Variants in ZNF365 observed in about 807,000 individuals in gnomAD.
The protein encoded by ZNF365 is zinc finger protein 365.
A neutral mutation model predicts 35.0 loss-of-function variants in ZNF365; 22 were observed. That is an observed-to-expected ratio of 0.63 (90% CI 0.45 to 0.90). The LOEUF (loss-of-function observed/expected upper bound fraction) is 0.90. Ranked by LOEUF, ZNF365 falls within the 40% of genes least tolerant of loss-of-function variation. The pLI, the probability that ZNF365 is intolerant of heterozygous loss-of-function variation, is 0.00. For synonymous variants in ZNF365, 188 were observed against 196.2 expected, an observed-to-expected ratio of 0.96 and a Z score of 0.35; for missense variants, 448 against 500.3, an observed-to-expected ratio of 0.90 and a Z score of 1.00.
chr10:62,414,706 G>A (rs1043507088), intron 3 of ZNF365, among the ~76,000 whole-genome samples: 1 of 152,076 alleles, frequency 6.6e-6, no homozygotes, highest in African/African-American at 2.4e-5. Flanking sequence ...ATTATGATGT[G>A]TTTAAGTGTG....
At chr10:62,412,911 G>A (rs974656475) in intron 3 of ZNF365, among the ~76,000 whole-genome samples, 3 of 152,110 alleles carry the variant, frequency 2.0e-5, no homozygotes, top group Non-Finnish European at 4.4e-5. Flanking sequence ...TGATCTGAAT[G>A]CTCTTCCTTA....
chr10:62,378,150 C>T (rs1839367995), intron 2 of ZNF365, among the ~76,000 whole-genome samples: 1 of 152,152 alleles, frequency 6.6e-6, no homozygotes, highest in Non-Finnish European at 1.5e-5. Flanking sequence ...AAAAATGTTT[C>T]CCTTTTGGTT....
chr10:62,429,065 C>G (rs1331017275), intron 3 of ZNF365, among the ~76,000 whole-genome samples: 2 of 152,056 alleles, frequency 1.3e-5, no homozygotes, highest in African/African-American at 2.4e-5. Context: ...TCTCCTTGTG[C>G]CTTTGGCCTC....
At chr10:62,386,000 C>T (rs1036167012) in intron 2 of ZNF365, among the ~76,000 whole-genome samples, 5 of 152,114 alleles carry the variant, frequency 3.3e-5, no homozygotes, top group South Asian at 4.1e-4. Flanking sequence ...ATCTCTACAA[C>T]AGGCTTGTAG....
chr10:62,430,043 T>C (rs1002173834), intron 3 of ZNF365, among the ~76,000 whole-genome samples: 1 of 152,202 alleles, frequency 6.6e-6, no homozygotes, highest in Admixed American at 6.5e-5. Context: ...TGGTCTATCA[T>C]GTGAATGTAC....
In ZNF365 at chr10:62,376,672, A is replaced by G. The variant is rs1839338141; in HGVS notation, c.479A>G (p.His160Arg). The G allele has an allele frequency of 1.2e-6, 2 of 1,614,096 alleles. No homozygotes were observed. Among genetic ancestry groups the G allele is most frequent in the African/African-American group, 1.3e-5 (1 of 74,942 alleles). ...TSDTKASFEA[H>R]VREKFNRMVE... ...GACACCAAAGCTTCTTTCGAGGCAC[A>G]TGTCAGAGAAAAATTCAATCGAATG... Residue 160 changes from histidine to arginine, a missense_variant, in exon 2 of 5, where the codon CAT (histidine) becomes CGT (arginine). By Grantham distance (29) the His-to-Arg change is conservative. This residue lies in a region of ZNF365 where 362 missense variants were observed against 375.7 expected (regional missense o/e 0.96). Coordinates refer to ENST00000395254, the MANE Select transcript of ZNF365 (RefSeq NM_014951.3).
In ZNF365 at chr10:62,400,286, A is replaced by G. The variant is rs1839804684; in HGVS notation, c.*497A>G. On this transcript the variant is annotated 3_prime_UTR_variant, in exon 5 of 5. Transcript: ENST00000395254. ...CCCCTCAGCTAATTTGAAAGCCTCC[A>G]AAATAAGGATTCCCATTCCCCGAGT... The G allele has an allele frequency of 2.0e-6, 2 of 986,590 alleles. No individual in the cohort carries two copies. The highest frequency in any genetic ancestry group is 3.5e-5 in the African/African-American group (2 of 57,250). 61.1% of individuals were successfully genotyped at this position (986,590 alleles called of 1,614,324 possible).
At chr10:62,479,401 G>A (rs1424713514) in intron 4 of ZNF365, among the ~76,000 whole-genome samples, 2 of 152,180 alleles carry the variant, frequency 1.3e-5, no homozygotes, top group Admixed American at 1.3e-4. Flanking sequence ...CATATGAAAA[G>A]ACGAACATAG....
At chr10:62,444,758 A>G (rs1443112510) in intron 3 of ZNF365, among the ~76,000 whole-genome samples, 1 of 151,938 alleles carries the variant, frequency 6.6e-6, no homozygotes, top group Admixed American at 6.6e-5. Flanking sequence ...TGCAGTCCCC[A>G]GTTCTTTTAT....
chr10:62,449,208 T>C lies in ZNF365; in HGVS notation c.925-10533T>C, dbSNP rs150564303. Among the ~76,000 whole-genome samples the C allele has an allele frequency of 4.3e-3, 655 of 152,344 alleles. 4 individuals carry two copies. The highest frequency in any genetic ancestry group is 0.015 in the African/African-American group (626 of 41,584). ...ATTTATCAGTTGTGTTATTTTGGTA[T>C]TGTATGGCCAATATTGATTTCCTTT... On this transcript the variant is annotated intron_variant, in intron 3 of 4. Coordinates refer to the ZNF365 transcript ENST00000395255.
intron 4 of ZNF365, among the ~76,000 whole-genome samples, chr10:62,467,308 AC>A (rs1389679649): frequency 1.3e-5 from 2 of 152,138 alleles, no homozygotes. Context: ...TTGTTCCAAT[AC>A]CCTTGATCTT....
downstream of ZNF365, among the ~76,000 whole-genome samples, chr10:62,404,661 C>T (rs1425013966): frequency 1.3e-5 from 2 of 152,066 alleles, no homozygotes; most frequent in Middle Eastern, 3.2e-3. Flanking sequence ...TTAGGGACAC[C>T]GACTCCTGCG....
At chr10:62,430,320 A>C (rs967396036) in intron 3 of ZNF365, among the ~76,000 whole-genome samples, 3 of 141,784 alleles carry the variant, frequency 2.1e-5, no homozygotes, top group Admixed American at 7.4e-5. Context: ...AGCTGGGACT[A>C]CAGGTGCCCG....
chr10:62,399,502 C>T, intron 4 of ZNF365, 26 bp from the exon 5 acceptor site: 1 of 1,608,592 alleles, frequency 6.2e-7, no homozygotes, highest in Non-Finnish European at 8.5e-7. Flanking sequence ...CATCTCTTCT[C>T]CACTCCCCCC....
At chr10:62,384,747 A>G (rs1485556835) in intron 2 of ZNF365, among the ~76,000 whole-genome samples, 1 of 152,240 alleles carries the variant, frequency 6.6e-6, no homozygotes, top group Non-Finnish European at 1.5e-5. Flanking sequence ...TTAAAGAGTC[A>G]TTGCAATGTG....
downstream of ZNF365, among the ~76,000 whole-genome samples, chr10:62,405,573 GTTTAACA>G (rs1839893239): frequency 6.6e-6 from 1 of 152,128 alleles, no homozygotes; most frequent in Admixed American, 6.5e-5. Flanking sequence ...CTAAAATTCT[GTTTAACA>G]TTTATGATTG....
At chr10:62,391,145 C>T (rs1839621193) in intron 3 of ZNF365, among the ~76,000 whole-genome samples, 1 of 152,014 alleles carries the variant, frequency 6.6e-6, no homozygotes, top group Non-Finnish European at 1.5e-5. Flanking sequence ...ATTTTTTAAC[C>T]TTTTGACTCT....
intron 3 of ZNF365, among the ~76,000 whole-genome samples, chr10:62,390,207 T>C (rs1381631800): frequency 6.6e-6 from 1 of 152,114 alleles, no homozygotes; most frequent in Non-Finnish European, 1.5e-5. Flanking sequence ...AATGAAGGGG[T>C]TGGATTCAGT....
At chr10:62,470,876 T>A (rs938107523) in intron 4 of ZNF365, among the ~76,000 whole-genome samples, 8 of 152,142 alleles carry the variant, frequency 5.3e-5, no homozygotes, top group South Asian at 2.1e-4. Flanking sequence ...TTGCAAAAAA[T>A]TTTTTCCTGG....
Sources: gnomAD v4.1 joint callset for allele counts (sites outside exome capture counted in the v4.1 genomes callset) on GRCh38, gnomAD v4.1.1 for gene constraint, gnomAD v4.1.1 regional missense constraint, MANE v1.5 for transcripts, NCBI Gene and HGNC (gene_info 2026-07-23, HGNC 2026-07-21) for gene names.